PDLIM1: variants seen among roughly 807,000 people sequenced by gnomAD.
PDLIM1 encodes the protein PDZ and LIM domain 1, also known as PDZ and LIM domain protein 1.
In PDLIM1, 25 loss-of-function variants were observed where a neutral mutation model predicts 35.2. That is an observed-to-expected ratio of 0.71 (90% CI 0.52 to 0.99). The LOEUF (loss-of-function observed/expected upper bound fraction) is 0.99. Among genes scored for constraint, PDLIM1 ranks in the 50% least tolerant of loss-of-function variants. The pLI is 0.00. For missense variants in PDLIM1, 363 were observed against 415.3 expected, an observed-to-expected ratio of 0.87 and a Z score of 1.09; for synonymous variants, 152 against 154.0, an observed-to-expected ratio of 0.99 and a Z score of 0.10.
intron 1 of PDLIM1, among the ~76,000 whole-genome samples, chr10:95,281,781 T>C (rs567301301): frequency 1.6e-4 from 25 of 152,340 alleles, no homozygotes; most frequent in Non-Finnish European, 1.3e-4. Context: ...CATGAGCCAC[T>C]GCGTCCAACC....
chr10:95,276,909 A>AC (rs2035516403), intron 1 of PDLIM1, among the ~76,000 whole-genome samples: 1 of 149,042 alleles, frequency 6.7e-6, no homozygotes, highest in Non-Finnish European at 1.5e-5. Context: ...AAAAAAAAAA[A>AC]AAAAAAAAAA....
chr10:95,267,506 AGAG>A (rs2035426356), intron 3 of PDLIM1, among the ~76,000 whole-genome samples: 1 of 152,224 alleles, frequency 6.6e-6, no homozygotes, highest in Non-Finnish European at 1.5e-5. Context: ...AACTTTCCTG[AGAG>A]GAGTTGTATA....
At chr10:95,255,916 C>G (rs1564600446) in intron 4 of PDLIM1, among the ~76,000 whole-genome samples, 1 of 151,632 alleles carries the variant, frequency 6.6e-6, no homozygotes, top group African/African-American at 2.4e-5. Context: ...CACACACACA[C>G]ACACACACAC....
intron 4 of PDLIM1, among the ~76,000 whole-genome samples, chr10:95,254,101 A>G (rs2035290639): frequency 6.6e-6 from 1 of 152,224 alleles, no homozygotes; most frequent in African/African-American, 2.4e-5. Context: ...AACAAAATAA[A>G]ATACCAGACT....
At chr10:95,279,379 C>T (rs1296346481) in intron 1 of PDLIM1, among the ~76,000 whole-genome samples, 1 of 152,120 alleles carries the variant, frequency 6.6e-6, no homozygotes, top group Non-Finnish European at 1.5e-5. Context: ...CATTTTTTCC[C>T]ATTCTAATAC....
intron 1 of PDLIM1, among the ~76,000 whole-genome samples, chr10:95,281,595 C>T (rs2133441200): frequency 6.6e-6 from 1 of 152,246 alleles, no homozygotes; most frequent in Admixed American, 6.5e-5. Context: ...AAAATACAGC[C>T]CCTGTAATGT....
chr10:95,273,736 G>A (rs1249832011), intron 1 of PDLIM1, among the ~76,000 whole-genome samples: 1 of 152,064 alleles, frequency 6.6e-6, no homozygotes, highest in Non-Finnish European at 1.5e-5. Flanking sequence ...TTTTATCCAG[G>A]CAAGCACAGG....
chr10:95,270,343 A>T (rs901760692), intron 2 of PDLIM1, among the ~76,000 whole-genome samples: 2 of 152,116 alleles, frequency 1.3e-5, no homozygotes, highest in Admixed American at 6.6e-5. Context: ...AAGCAAAAAA[A>T]AAAAAGCAAA....
chr10:95,288,378 T>C (rs1282555023), intron 1 of PDLIM1, among the ~76,000 whole-genome samples: 3 of 152,176 alleles, frequency 2.0e-5, no homozygotes, highest in African/African-American at 7.2e-5. Flanking sequence ...AAGTCTATCA[T>C]ATACAAAACT....
intron 5 of PDLIM1, among the ~76,000 whole-genome samples, chr10:95,240,742 G>A (rs1186278643): frequency 6.6e-6 from 1 of 152,174 alleles, no homozygotes; most frequent in Non-Finnish European, 1.5e-5. Flanking sequence ...TGCTACAGCA[G>A]GCAGATAACA....
At chr10:95,265,903 A>G (rs192249842) in intron 3 of PDLIM1, among the ~76,000 whole-genome samples, 2 of 152,154 alleles carry the variant, frequency 1.3e-5, no homozygotes, top group Admixed American at 1.3e-4. Flanking sequence ...TCTCATCCCT[A>G]AAAAAACAAA....
intron 3 of PDLIM1, among the ~76,000 whole-genome samples, chr10:95,264,315 G>A (rs1448490313): frequency 6.6e-6 from 1 of 152,128 alleles, no homozygotes; most frequent in Non-Finnish European, 1.5e-5. Context: ...CTTCCTTGAG[G>A]CCCAGCAAAG....
chr10:95,246,453 C>T (rs1215825666), intron 5 of PDLIM1, among the ~76,000 whole-genome samples: 1 of 152,218 alleles, frequency 6.6e-6, no homozygotes, highest in Non-Finnish European at 1.5e-5. Flanking sequence ...CAGAACCCTA[C>T]GGGGTGACCC....
intron 4 of PDLIM1, 24 bp from the exon 5 acceptor site, chr10:95,247,390 G>T (rs1203355272): frequency 2.5e-6 from 4 of 1,601,564 alleles, no homozygotes; most frequent in Middle Eastern, 1.7e-4. Context: ...TTGAAAAATT[G>T]ATTAGGACAT....
At chr10:95,243,917 C>G (rs1256338651) in intron 5 of PDLIM1, among the ~76,000 whole-genome samples, 2 of 151,822 alleles carry the variant, frequency 1.3e-5, no homozygotes, top group African/African-American at 2.4e-5. Flanking sequence ...TTCATAGAGA[C>G]AAGCAGGAGG....
intron 4 of PDLIM1, among the ~76,000 whole-genome samples, chr10:95,250,947 T>G (rs2035262737): frequency 6.6e-6 from 1 of 152,198 alleles, no homozygotes; most frequent in East Asian, 1.9e-4. Flanking sequence ...CCAAATAAGA[T>G]GGCTGACACA....
chr10:95,245,957 CA>C (rs1163319459), intron 5 of PDLIM1, among the ~76,000 whole-genome samples: 1 of 152,204 alleles, frequency 6.6e-6, no homozygotes, highest in African/African-American at 2.4e-5. Flanking sequence ...ACAAGCCTCT[CA>C]GCCAACATGC....
chr10:95,260,801 A>G (rs1256885276), intron 4 of PDLIM1, among the ~76,000 whole-genome samples: 3 of 152,264 alleles, frequency 2.0e-5, no homozygotes, highest in African/African-American at 7.2e-5. Context: ...CAGACTAAAC[A>G]GTGGGAGGGA....
Position 95,263,999 on chromosome 10 carries a change from G to A in PDLIM1, c.398C>T (p.Ser133Phe), listed in dbSNP as rs753573027. ...SAMPFTASPA[S>F]STTARVITNQ... is the part of the protein sequence containing the mutation. ...TGTGATGACCCTGGCAGTAGTGCTG[G>A]AGGCAGGCGAGGCGGTAAAGGGCAT... Residue 133 changes from serine (S) to phenylalanine (F), a missense_variant, in exon 4 of 7, where the codon TCC becomes TTC. Ser to Phe is a radical substitution (Grantham distance 155). Coordinates refer to ENST00000329399, the MANE Select transcript of PDLIM1 (RefSeq NM_020992.4). 2 of 1,613,844 alleles carry A rather than the reference G, an allele frequency of 1.2e-6. No individual in the cohort carries two copies. The highest frequency in any genetic ancestry group is 4.5e-5 in the East Asian group (2 of 44,872).
Sources: allele counts gnomAD v4.1 joint callset (sites outside exome capture counted in the v4.1 genomes callset), GRCh38; gene constraint gnomAD v4.1.1; transcripts MANE v1.5; gene names NCBI Gene and HGNC (gene_info 2026-07-23, HGNC 2026-07-21).